ERC1: variants seen among roughly 807,000 people sequenced by gnomAD.
ERC1 encodes RAB6 interacting protein 2.
A neutral mutation model predicts 132.0 loss-of-function variants in ERC1; 56 were observed. That is an observed-to-expected ratio of 0.42 (90% CI 0.34 to 0.53). The LOEUF is 0.53. Ranked by LOEUF, ERC1 falls within the 20% of genes least tolerant of loss-of-function variation. The pLI, the probability that ERC1 is intolerant of heterozygous loss-of-function variation, is 0.03. For missense variants in ERC1, 1,202 were observed against 1,349.9 expected, an observed-to-expected ratio of 0.89 and a Z score of 1.72; for synonymous variants, 478 against 476.1, an observed-to-expected ratio of 1.00 and a Z score of -0.05.
Position 1,154,268 on chromosome 12 carries a change from TACAC to T in ERC1, c.1737+12483_1737+12486del, listed in dbSNP as rs1485434416. ...ATATGTATATGTATATGTGTATATATACACATATACATGTATATATACACACACA... is the reference window on the plus strand; with the variant it reads ...ATATGTATATGTATATGTGTATATATATATACATGTATATATACACACACA... On this transcript the variant is annotated intron_variant, in intron 8 of 18. Transcript: ENST00000360905. Among the ~76,000 whole-genome samples, 272 of 149,792 alleles carry T rather than the reference TACAC, an allele frequency of 1.8e-3. 2 individuals are homozygous for T. Among genetic ancestry groups the T allele is most frequent in the Middle Eastern group, 3.5e-3 (1 of 288 alleles).
intron 15 of ERC1, among the ~76,000 whole-genome samples, chr12:1,321,905 G>GCATT (rs1179082065): frequency 2.0e-4 from 31 of 152,264 alleles, no homozygotes; most frequent in African/African-American, 6.3e-4. Flanking sequence ...GGGGATCAAT[G>GCATT]CATTACATCT....
intron 14 of ERC1, among the ~76,000 whole-genome samples, chr12:1,281,918 T>A (rs2078706653): frequency 6.6e-6 from 1 of 152,164 alleles, no homozygotes; most frequent in Non-Finnish European, 1.5e-5. Context: ...AGCAGGGGGA[T>A]GTTTGCTTTG....
At chr12:1,186,988 C>G (rs1186226891) in intron 11 of ERC1, among the ~76,000 whole-genome samples, 1 of 152,036 alleles carries the variant, frequency 6.6e-6, no homozygotes, top group Admixed American at 6.5e-5. Context: ...GCACCACCAC[C>G]CCTGGCTAAT....
chr12:1,003,325 AGTCC>A, intron 1 of ERC1, among the ~76,000 whole-genome samples: 2 of 152,152 alleles, frequency 1.3e-5, no homozygotes, highest in Non-Finnish European at 2.9e-5. Flanking sequence ...TGTTAAATTT[AGTCC>A]TAGTATCTGA....
In ERC1 at chr12:1,369,595, C is replaced by T. The variant is rs201266619; in HGVS notation, c.2781-2238C>T. ...CAGCTTGGTCAGTCTTTGAGCTTCC[C>T]GAAAGGGAACAGATGACCGCAGTCA... On this transcript the variant is annotated intron_variant, in intron 15 of 18. Coordinates refer to ENST00000360905, the MANE Select transcript of ERC1 (RefSeq NM_178040.4). 9.2e-5 allele frequency among the ~76,000 whole-genome samples: 14 copies of T among 152,134 alleles called. No homozygotes were observed. The East Asian group carries it at 9.6e-4, about 10-fold the overall frequency.
At chr12:1,380,844 T>TA (rs2154378250) in intron 16 of ERC1, 1 of 152,342 alleles carries the variant, frequency 6.6e-6, no homozygotes, top group South Asian at 2.1e-4. Context: ...AATGGTAGGA[T>TA]AAAACAGCAG....
At chr12:1,364,136 T>G (rs1041426234) in intron 15 of ERC1, among the ~76,000 whole-genome samples, 4 of 152,254 alleles carry the variant, frequency 2.6e-5, no homozygotes, top group African/African-American at 7.2e-5. Context: ...CATAGCAGTC[T>G]TTCATTTAGA....
At chr12:1,374,653 C>G (rs2087659340) in intron 16 of ERC1, among the ~76,000 whole-genome samples, 3 of 152,156 alleles carry the variant, frequency 2.0e-5, no homozygotes, top group Admixed American at 1.3e-4. Context: ...TCTGTTTAGT[C>G]ACAGCAGTTG....
chr12:1,039,515 G>T (rs1969805914), intron 2 of ERC1, among the ~76,000 whole-genome samples: 1 of 151,204 alleles, frequency 6.6e-6, no homozygotes, highest in African/African-American at 2.4e-5. Context: ...GGGTGACAGA[G>T]CAAGAGTCTG....
At chr12:1,199,243 T>C (rs1446122340) in intron 12 of ERC1, among the ~76,000 whole-genome samples, 1,157 of 98,562 alleles carry the variant, frequency 0.012, no homozygotes, top group Middle Eastern at 0.058. Context: ...ACCGTCATGA[T>C]CCAGTCACTT....
chr12:1,068,381 G>A (rs985286609), intron 2 of ERC1, among the ~76,000 whole-genome samples: 1 of 152,032 alleles, frequency 6.6e-6, no homozygotes, highest in African/African-American at 2.4e-5. Flanking sequence ...AATTATCTTG[G>A]AGATAAGGAA....
intron 18 of ERC1, among the ~76,000 whole-genome samples, chr12:1,484,317 A>T (rs112178991): frequency 1.3e-5 from 2 of 152,000 alleles, no homozygotes; most frequent in African/African-American, 4.8e-5. Context: ...AAAAAAAAAA[A>T]TTCTTTGTTC....
chr12:1,412,911 A>G (rs1485588439), intron 17 of ERC1, among the ~76,000 whole-genome samples: 1 of 152,218 alleles, frequency 6.6e-6, no homozygotes, highest in Non-Finnish European at 1.5e-5. Context: ...GTTGTTACTA[A>G]CATCATCGTC....
chr12:1,156,095 A>G (rs957542120), intron 8 of ERC1, among the ~76,000 whole-genome samples: 7 of 152,028 alleles, frequency 4.6e-5, no homozygotes, highest in Non-Finnish European at 8.8e-5. Flanking sequence ...AAAAATAAAC[A>G]TTTTAATATC....
intron 1 of ERC1, among the ~76,000 whole-genome samples, chr12:1,003,777 A>G (rs1376084664): frequency 2.6e-5 from 4 of 152,212 alleles, no homozygotes; most frequent in Non-Finnish European, 5.9e-5. Flanking sequence ...TATCTGTTAC[A>G]TAGTCGGCAG....
chr12:1,210,717 T>C (rs1957783732), intron 12 of ERC1, among the ~76,000 whole-genome samples: 1 of 152,168 alleles, frequency 6.6e-6, no homozygotes, highest in African/African-American at 2.4e-5. Flanking sequence ...TAGCTAGGGC[T>C]GGGCATGGTG....
At chr12:996,343 C>T (rs898597610) in intron 1 of ERC1, among the ~76,000 whole-genome samples, 3 of 144,294 alleles carry the variant, frequency 2.1e-5, no homozygotes, top group Non-Finnish European at 4.5e-5. Flanking sequence ...ACCTCATGAT[C>T]CGCGCGCCTT....
At chr12:1,154,578 A>C (rs1410200101) in intron 8 of ERC1, among the ~76,000 whole-genome samples, 1 of 152,164 alleles carries the variant, frequency 6.6e-6, no homozygotes, top group Admixed American at 6.5e-5. Flanking sequence ...GGACTTAATT[A>C]AACTAAAAAG....
rs1365758046 is a variant in ERC1 at position 1,196,983 on chromosome 12, T to A, written c.2351+6931T>A. On this transcript the variant is annotated intron_variant, in intron 12 of 18. Coordinates refer to ENST00000360905, the MANE Select transcript of ERC1 (RefSeq NM_178040.4). Reference sequence around the variant, plus strand: ...ACACATATATATATATATATTTTTTTTTTTTTTTTTTTTTTAAGACAGATT... The same window carrying A: ...ACACATATATATATATATATTTTTTATTTTTTTTTTTTTTTAAGACAGATT... Among the ~76,000 whole-genome samples the A allele has an allele frequency of 5.4e-4, 35 of 64,810 alleles. 2 individuals carry two copies. Among genetic ancestry groups the A allele is most frequent in the Middle Eastern group, 9.4e-3 (1 of 106 alleles). 42.5% of individuals were successfully genotyped at this position (64,810 alleles called of 152,430 possible). A position where few individuals can be genotyped will look rare whatever the true frequency, so the allele number is the denominator to read the frequency against.
Sources: allele counts gnomAD v4.1 joint callset (sites outside exome capture counted in the v4.1 genomes callset), GRCh38; gene constraint gnomAD v4.1.1; transcripts MANE v1.5; gene names NCBI Gene and HGNC (gene_info 2026-07-23, HGNC 2026-07-21).